The following KCNT2 variants were observed in gnomAD, a reference collection of about 807,000 sequenced individuals.
The protein encoded by KCNT2 is potassium sodium-activated channel subfamily T member 2, also known as potassium channel subfamily T member 2.
In KCNT2, 67 loss-of-function variants were observed where a neutral mutation model predicts 153.8. The ratio of observed to expected loss-of-function variants is 0.44; its 90% confidence interval spans 0.36 to 0.53. KCNT2 has a LOEUF of 0.53. KCNT2 is among the 20% of genes least tolerant of loss of function. KCNT2 has a pLI of 0.00. For synonymous variants in KCNT2, 500 were observed against 458.8 expected (o/e 1.09, Z -1.15); for missense variants, 975 against 1,354.8 (o/e 0.72, Z 4.40).
At position 196,504,567 on chromosome 1, in the gene KCNT2, C is replaced by A. The variant is rs543768976; in HGVS notation, c.96-12226G>T. ...CATACATGTGCATGTCTCTTTATAG[C>A]AGCATGATTTATAGTCCTTTGGGTA... On this transcript the variant is annotated intron_variant, in intron 1 of 27. Transcript: ENST00000294725. Among the ~76,000 whole-genome samples the A allele has an allele frequency of 2.5e-4, 38 of 152,182 alleles. 1 individual carries two copies. The South Asian group carries it at 7.5e-3, about 30-fold the overall frequency.
At chr1:196,316,128 T>C in intron 20 of KCNT2, 102 bp from the exon 21 acceptor site, 1 of 1,022,294 alleles carries the variant, frequency 9.8e-7, no homozygotes, top group East Asian at 2.7e-5. Context: ...ATAAGTTGCC[T>C]TTAGAGGTGG....
At chr1:196,515,392 T>A (rs1681965585) in intron 1 of KCNT2, among the ~76,000 whole-genome samples, 1 of 152,228 alleles carries the variant, frequency 6.6e-6, no homozygotes, top group African/African-American at 2.4e-5. Flanking sequence ...ATTAATAGCA[T>A]GCAAACTTGC....
intron 8 of KCNT2, among the ~76,000 whole-genome samples, chr1:196,437,138 T>A (rs12123968): frequency 0.55 from 30,586 of 56,038 alleles, 10,255 homozygotes; most frequent in Middle Eastern, 0.72. Context: ...ATAAATTTTT[T>A]AATTTAAAAT....
At chr1:196,550,198 A>G (rs889677149) in intron 1 of KCNT2, among the ~76,000 whole-genome samples, 2 of 151,908 alleles carry the variant, frequency 1.3e-5, no homozygotes, top group Non-Finnish European at 2.9e-5. Context: ...TATCAGTTTA[A>G]AGGATAAAAA....
chr1:196,563,458 GA>G (rs529874769), intron 1 of KCNT2, among the ~76,000 whole-genome samples: 5,857 of 82,840 alleles, frequency 0.071, 402 homozygotes, highest in African/African-American at 0.22. Context: ...AAAGAAAAAA[GA>G]AAAAAAAAAA....
intron 1 of KCNT2, among the ~76,000 whole-genome samples, chr1:196,600,333 G>A (rs1425175133): frequency 1.3e-5 from 2 of 152,230 alleles, no homozygotes; most frequent in Admixed American, 6.5e-5. Flanking sequence ...AAATTGTGAA[G>A]CCAAATACAC....
At chr1:196,431,909 A>C (rs1222196519) in intron 8 of KCNT2, among the ~76,000 whole-genome samples, 14 of 152,150 alleles carry the variant, frequency 9.2e-5, no homozygotes, top group Non-Finnish European at 1.5e-5. Flanking sequence ...AAAGGAAGCC[A>C]GGTGGTCTTC....
At chr1:196,344,535 A>T (rs1665971152) in intron 14 of KCNT2, among the ~76,000 whole-genome samples, 1 of 152,224 alleles carries the variant, frequency 6.6e-6, no homozygotes, top group South Asian at 2.1e-4. Flanking sequence ...CTATTTAGCA[A>T]GATGATACTT....
chr1:196,583,779 G>C (rs1662343158), intron 1 of KCNT2, among the ~76,000 whole-genome samples: 1 of 152,032 alleles, frequency 6.6e-6, no homozygotes, highest in East Asian at 1.9e-4. Context: ...AGAAACGTAA[G>C]TAGAGCCATA....
At chr1:196,545,443 C>G (rs888215433) in intron 1 of KCNT2, among the ~76,000 whole-genome samples, 2 of 151,942 alleles carry the variant, frequency 1.3e-5, no homozygotes, top group Non-Finnish European at 2.9e-5. Flanking sequence ...AAGACATGAC[C>G]TTGAGGAAAC....
intron 22 of KCNT2, among the ~76,000 whole-genome samples, chr1:196,290,175 A>G (rs1053184818): frequency 6.6e-6 from 1 of 151,870 alleles, no homozygotes; most frequent in African/African-American, 2.4e-5. Flanking sequence ...ACATTCCTTC[A>G]TTCTTTCCTC....
At chr1:196,494,880 G>C (rs1446782111) in intron 1 of KCNT2, among the ~76,000 whole-genome samples, 4 of 151,898 alleles carry the variant, frequency 2.6e-5, no homozygotes, top group African/African-American at 9.7e-5. Flanking sequence ...TTACGAATGA[G>C]AATTATCCAA....
chr1:196,379,369 GAGACCA>G (rs1231447701), intron 13 of KCNT2, among the ~76,000 whole-genome samples: 1 of 152,038 alleles, frequency 6.6e-6, no homozygotes, highest in Admixed American at 6.6e-5. Context: ...TCAGGAGTTT[GAGACCA>G]ACCTGGCCAA....
At chr1:196,281,348 G>A (rs915219486) in intron 24 of KCNT2, among the ~76,000 whole-genome samples, 2 of 152,178 alleles carry the variant, frequency 1.3e-5, no homozygotes, top group African/African-American at 4.8e-5. Flanking sequence ...TAGAGCACTG[G>A]TAATTGACTG....
At chr1:196,470,885 T>C (rs1194360252) in intron 5 of KCNT2, among the ~76,000 whole-genome samples, 2 of 137,890 alleles carry the variant, frequency 1.5e-5, no homozygotes, top group South Asian at 4.8e-4. Flanking sequence ...TCTTTTTTTT[T>C]TTTTTTTTTT....
At chr1:196,438,339 A>G (rs1674914827) in intron 8 of KCNT2, among the ~76,000 whole-genome samples, 1 of 151,898 alleles carries the variant, frequency 6.6e-6, no homozygotes, top group Non-Finnish European at 1.5e-5. Flanking sequence ...CATAGTGTTT[A>G]TCCCTCTTTC....
chr1:196,569,206 A>T (rs1038101217), intron 1 of KCNT2, among the ~76,000 whole-genome samples: 3 of 152,060 alleles, frequency 2.0e-5, no homozygotes, highest in Non-Finnish European at 4.4e-5. Flanking sequence ...TATTTCTTTC[A>T]AGTTAATTGA....
chr1:196,464,647 A>G (rs752433118), intron 8 of KCNT2, among the ~76,000 whole-genome samples: 1 of 151,852 alleles, frequency 6.6e-6, no homozygotes, highest in Admixed American at 6.6e-5. Context: ...TCATTTTTTG[A>G]TGTTCACATT....
chr1:196,390,911 A>C (rs1304249163), intron 13 of KCNT2, among the ~76,000 whole-genome samples: 1 of 112,956 alleles, frequency 8.9e-6, no homozygotes, highest in African/African-American at 2.9e-5. Context: ...TTTTTTTTAA[A>C]AAAAAACATA....
Sources: gnomAD v4.1 joint callset for allele counts (sites outside exome capture counted in the v4.1 genomes callset) on GRCh38, gnomAD v4.1.1 for gene constraint, MANE v1.5 for transcripts, NCBI Gene and HGNC (gene_info 2026-07-23, HGNC 2026-07-21) for gene names.